Variants in SLC9B2 observed in about 807,000 individuals in gnomAD.
SLC9B2 encodes solute carrier family 9 member B2.
SLC9B2 carries 39 observed loss-of-function variants against 52.2 expected under a neutral mutation model. The ratio of observed to expected loss-of-function variants is 0.75; its 90% confidence interval spans 0.58 to 0.98. SLC9B2 has a LOEUF of 0.98. Among genes scored for constraint, SLC9B2 ranks in the 50% least tolerant of loss-of-function variants. The probability of loss-of-function intolerance (pLI) is 0.00; values close to 1 mark genes in which losing one functional copy is unlikely to be tolerated. For missense variants in SLC9B2, 626 were observed against 637.5 expected, an observed-to-expected ratio of 0.98 and a Z score of 0.19; for synonymous variants, 214 against 227.0, an observed-to-expected ratio of 0.94 and a Z score of 0.51.
chr4:103,045,772 C>G (rs1217600548), intron 7 of SLC9B2, among the ~76,000 whole-genome samples: 2 of 152,164 alleles, frequency 1.3e-5, no homozygotes, highest in Non-Finnish European at 2.9e-5. Flanking sequence ...GTTCCTATTC[C>G]AAGCTGCACT....
rs776197546 is a variant in SLC9B2 at position 103,043,404 on chromosome 4, C to T, written c.1038G>A (p.Leu346=). The part of the protein sequence containing the change: ...VCKRTFLVLG[L]SVLAVFSSVH... ...CACTGCTGAACACAGCTAGCACAGA[C>T]AACCCCAACACAAGGAATGTTCTCT... The change falls in exon 9 of 12, where the codon TTG becomes TTA. Residue 346 remains leucine (L), a synonymous_variant. Coordinates refer to ENST00000394785, the MANE Select transcript of SLC9B2 (RefSeq NM_178833.7). 24 of 1,613,080 alleles carry T rather than the reference C, an allele frequency of 1.5e-5. No homozygotes were observed. Among genetic ancestry groups the T allele is most frequent in the South Asian group, 2.2e-5 (2 of 90,904 alleles).
chr4:103,067,460 C>T lies in SLC9B2; in HGVS notation c.90+1G>A. The T allele has an allele frequency of 9.9e-6, 16 of 1,609,922 alleles. No homozygotes were observed. The highest frequency in any genetic ancestry group is 1.3e-5 in the Non-Finnish European group (15 of 1,176,504). On this transcript the variant is annotated splice_donor_variant, in intron 2 of 11. Transcript: ENST00000394785. LOFTEE classifies it high-confidence loss of function. ...ACAATTCTATCACAGCTTAGATTTA[C>T]CTGTGCTTCTTGATGCATGGAGGGC... is the stretch of plus-strand genomic sequence containing the variant.
At chr4:103,054,361 G>A (rs1270956531) in intron 4 of SLC9B2, among the ~76,000 whole-genome samples, 1 of 152,176 alleles carries the variant, frequency 6.6e-6, no homozygotes, top group East Asian at 1.9e-4. Flanking sequence ...CATAAAATGC[G>A]ATCTTAGAGC....
chr4:103,022,997 G>A lies in SLC9B2; in HGVS notation c.*3373C>T, dbSNP rs539865667. 6.6e-6 allele frequency among the ~76,000 whole-genome samples: 1 copy of A among 152,296 alleles called. No homozygotes were observed. The highest frequency in any genetic ancestry group is 1.5e-5 in the Non-Finnish European group (1 of 68,022). On this transcript the variant is annotated 3_prime_UTR_variant, in exon 12 of 12. Coordinates refer to ENST00000394785, the MANE Select transcript of SLC9B2 (RefSeq NM_178833.7). ...GACTTCACCAGAGCCCAACAATGCTGGCATCCTGATCTCGAACTTCCAACC... is the reference window on the plus strand; with the variant it reads ...GACTTCACCAGAGCCCAACAATGCTAGCATCCTGATCTCGAACTTCCAACC...
intron 3 of SLC9B2, 110 bp downstream of exon 3, chr4:103,066,217 T>C (rs1453647961): frequency 7.7e-7 from 1 of 1,306,484 alleles, no homozygotes; most frequent in East Asian, 2.3e-5. Flanking sequence ...CCAACTAGTT[T>C]TTATGTTTGG....
chr4:103,062,222 A>G (rs941205646), intron 3 of SLC9B2, among the ~76,000 whole-genome samples: 1 of 152,120 alleles, frequency 6.6e-6, no homozygotes, highest in East Asian at 1.9e-4. Flanking sequence ...GAAGTTCGAG[A>G]CCAGCCTGAC....
intron 11 of SLC9B2, among the ~76,000 whole-genome samples, chr4:103,027,198 CAT>C (rs1742301138): frequency 6.6e-6 from 1 of 152,068 alleles, no homozygotes; most frequent in Non-Finnish European, 1.5e-5. Flanking sequence ...TTAAATATAA[CAT>C]AAAGTTCTAT....
At chr4:103,031,659 A>C (rs1347797056) in intron 10 of SLC9B2, 41 bp downstream of exon 10, 1 of 1,552,906 alleles carries the variant, frequency 6.4e-7, no homozygotes. Flanking sequence ...GGCTGACCAA[A>C]AAAAGTGAAT....
At chr4:103,019,497 G>C (rs560104316), downstream of SLC9B2, 45 of 801,450 alleles carry the variant, frequency 5.6e-5, no homozygotes, top group Non-Finnish European at 6.6e-5. Flanking sequence ...CTGAGGGGGA[G>C]GAAAGGCCCT....
chr4:103,027,292 T>C (rs921115581), intron 11 of SLC9B2, among the ~76,000 whole-genome samples: 13 of 152,122 alleles, frequency 8.5e-5, no homozygotes, highest in African/African-American at 3.1e-4. Flanking sequence ...AAAAATAAGA[T>C]GAAAAACATG....
Position 103,062,185 on chromosome 4 carries a change from C to T in SLC9B2, c.271+4142G>A, listed in dbSNP as rs528158873. ...CCTGTAATCCCAGCGCTTTGGGAGA[C>T]GCCGAGGCAGGCGGATCATGAGGTC... On this transcript the variant is annotated intron_variant, in intron 3 of 11. Transcript: ENST00000394785. Among the ~76,000 whole-genome samples the T allele has an allele frequency of 5.9e-5, 9 of 152,252 alleles. No individual in the cohort carries two copies. In the East Asian group the frequency reaches 1.2e-3, roughly 20 times the overall value.
chr4:103,033,859 AT>A (rs1180665619), intron 9 of SLC9B2, among the ~76,000 whole-genome samples: 3 of 152,226 alleles, frequency 2.0e-5, no homozygotes, highest in Admixed American at 6.5e-5. Flanking sequence ...AAGAATCAAT[AT>A]TGTTAAAATG....
In SLC9B2 at chr4:103,025,741, C is replaced by G. The variant is rs1742137295; in HGVS notation, c.*629G>C. On this transcript the variant is annotated 3_prime_UTR_variant, in exon 12 of 12. Transcript: ENST00000394785. ...GAAATAAAGGAACCTGGGTGGTCAG[C>G]TAGGGGGCAGGATAAAGTTTTTTGA... is the stretch of plus-strand genomic sequence containing the variant. 6.6e-6 allele frequency: 1 copy of G among 152,052 alleles called. No homozygotes were observed. The highest frequency in any genetic ancestry group is 2.1e-4 in the South Asian group (1 of 4,816). 9.4% of individuals were successfully genotyped at this position (152,052 alleles called of 1,614,324 possible). A position where few individuals can be genotyped will look rare whatever the true frequency, so the allele number is the denominator to read the frequency against.
In SLC9B2 at chr4:103,023,068, TA is replaced by T. The variant is rs1229008747; in HGVS notation, c.*3301del. ...GTTGTGTAAGCCACCCAGTGTATGG[TA>T]TTTTGTTATAGCAGCCCAAGCTGAC... On this transcript the variant is annotated 3_prime_UTR_variant, in exon 12 of 12. Transcript: ENST00000394785. Among the ~76,000 whole-genome samples the T allele has an allele frequency of 6.6e-6, 1 of 152,174 alleles. No homozygotes were observed. Among genetic ancestry groups the T allele is most frequent in the Admixed American group, 6.5e-5 (1 of 15,278 alleles).
intron 8 of SLC9B2, among the ~76,000 whole-genome samples, chr4:103,043,735 G>A (rs1743847262): frequency 6.6e-6 from 1 of 152,116 alleles, no homozygotes; most frequent in African/African-American, 2.4e-5. Context: ...CATGAGCTTT[G>A]GAGCTGGACA....
intron 3 of SLC9B2, among the ~76,000 whole-genome samples, chr4:103,059,971 A>G (rs539505442): frequency 2.6e-5 from 4 of 152,144 alleles, no homozygotes; most frequent in Admixed American, 2.0e-4. Flanking sequence ...TGAAAATACT[A>G]TTCCTTGGTT....
chr4:103,072,654 G>T (rs924618485), intron 1 of SLC9B2, among the ~76,000 whole-genome samples: 1 of 152,028 alleles, frequency 6.6e-6, no homozygotes, highest in African/African-American at 2.4e-5. Flanking sequence ...GTAGGCTCTC[G>T]GTCAAGTAAA....
At chr4:103,045,028 T>G in intron 7 of SLC9B2, 32 bp from the exon 8 acceptor site, 1 of 1,389,676 alleles carries the variant, frequency 7.2e-7, no homozygotes, top group Non-Finnish European at 1.0e-6. Flanking sequence ...CTTAGAGCTC[T>G]AAATCCAACA....
rs750764001 is a variant in SLC9B2 at position 103,066,347 on chromosome 4, A to G, written c.251T>C (p.Leu84Pro). 8 of 1,613,848 alleles carry G rather than the reference A, an allele frequency of 5.0e-6. No homozygotes were observed. In the Admixed American group the frequency reaches 1.3e-4, roughly 27 times the overall value. The change falls in exon 3 of 12, where the codon CTG becomes CCG. Residue 84 changes from leucine to proline, a missense_variant. Coordinates refer to ENST00000394785, the MANE Select transcript of SLC9B2 (RefSeq NM_178833.7). ...CTTACCATTTGTTATGACCCTGTCC[A>G]GTAAACCATGTGGAGGGCAAGCCAG... is the stretch of plus-strand genomic sequence containing the variant. ...QMLACPPHGL[L>P]DRVITNVTII...
Sources: gnomAD v4.1 joint callset for allele counts (sites outside exome capture counted in the v4.1 genomes callset) on GRCh38, gnomAD v4.1.1 for gene constraint, MANE v1.5 for transcripts, NCBI Gene and HGNC (gene_info 2026-07-23, HGNC 2026-07-21) for gene names.